Variants in RGS5 observed in about 807,000 individuals in gnomAD.
RGS5 encodes regulator of G-protein signalling 5.
A neutral mutation model predicts 18.9 loss-of-function variants in RGS5; 20 were observed. The ratio of observed to expected loss-of-function variants is 1.06; its 90% CI spans 0.74 to 1.54. RGS5 has a LOEUF of 1.54. Among genes scored for constraint, RGS5 ranks in the 40% most tolerant of loss-of-function variants. RGS5 has a pLI of 0.00. For missense variants in RGS5, 201 were observed against 211.8 expected, an observed-to-expected ratio of 0.95 and a Z score of 0.32; for synonymous variants, 57 against 76.2, an observed-to-expected ratio of 0.75 and a Z score of 1.31.
chr1:163,291,331 C>T (rs1404817908), intron 2 of RGS5, among the ~76,000 whole-genome samples: 1 of 152,072 alleles, frequency 6.6e-6, no homozygotes, highest in Admixed American at 6.6e-5. Context: ...CTTCAAGCTG[C>T]CCTTAAGTAT....
chr1:163,223,880 G>A (rs1224404858), intron 2 of RGS5, among the ~76,000 whole-genome samples: 1 of 152,072 alleles, frequency 6.6e-6, no homozygotes, highest in Non-Finnish European at 1.5e-5. Flanking sequence ...AGGTCTGGGA[G>A]CAACATAAGG....
intron 1 of RGS5, among the ~76,000 whole-genome samples, chr1:163,173,162 A>AT (rs1338038762): frequency 1.3e-5 from 2 of 152,100 alleles, no homozygotes; most frequent in African/African-American, 2.4e-5. Context: ...CACACTAGAC[A>AT]TTTTTTCCTG....
At chr1:163,287,195 T>C (rs1649166334) in intron 2 of RGS5, among the ~76,000 whole-genome samples, 1 of 152,212 alleles carries the variant, frequency 6.6e-6, no homozygotes, top group Non-Finnish European at 1.5e-5. Context: ...CAAAATTGTT[T>C]GTGTTTCCCT....
intron 1 of RGS5, among the ~76,000 whole-genome samples, chr1:163,185,586 C>T (rs1659035086): frequency 6.6e-6 from 1 of 152,194 alleles, no homozygotes; most frequent in Admixed American, 6.5e-5. Context: ...ATGTTCCTTG[C>T]AAGGGGCCCT....
chr1:163,166,741 C>T, intron 2 of RGS5, among the ~76,000 whole-genome samples: 1 of 152,194 alleles, frequency 6.6e-6, no homozygotes, highest in Non-Finnish European at 1.5e-5. Context: ...AATAAATGGT[C>T]AGCCCCAGGG....
At chr1:163,149,175 C>T (rs767682133) in intron 4 of RGS5, among the ~76,000 whole-genome samples, 11 of 152,250 alleles carry the variant, frequency 7.2e-5, no homozygotes, top group Admixed American at 2.6e-4. Flanking sequence ...TTGGGATCAG[C>T]GTCAGAGTTG....
chr1:163,290,082 T>A (rs1337711139), intron 2 of RGS5, among the ~76,000 whole-genome samples: 1 of 152,186 alleles, frequency 6.6e-6, no homozygotes, highest in African/African-American at 2.4e-5. Flanking sequence ...TAGGGTGGGA[T>A]AGCCAGCTTC....
At chr1:163,208,966 CCTG>C (rs1195168614) in intron 1 of RGS5, among the ~76,000 whole-genome samples, 6 of 151,916 alleles carry the variant, frequency 3.9e-5, no homozygotes, top group Non-Finnish European at 7.4e-5. Context: ...AACTCTACAC[CCTG>C]CTAATAGAGA....
chr1:163,298,446 A>G (rs1188908514), intron 2 of RGS5, among the ~76,000 whole-genome samples: 1 of 152,116 alleles, frequency 6.6e-6, no homozygotes, highest in East Asian at 1.9e-4. Context: ...GCCAGATGAT[A>G]GAAGTTTTTA....
At chr1:163,150,625 G>A (rs750933975) in intron 4 of RGS5, among the ~76,000 whole-genome samples, 2 of 152,024 alleles carry the variant, frequency 1.3e-5, no homozygotes, top group Non-Finnish European at 2.9e-5. Flanking sequence ...GAGAAGAAGG[G>A]GTGATCTGGA....
chr1:163,316,577 C>T lies in RGS5; in HGVS notation c.-378+5045G>A, dbSNP rs537025554. On this transcript the variant is annotated intron_variant, in intron 1 of 5. Transcript: ENST00000618415. ...CCAGCCTGGGCAACACAGTGAGACC[C>T]TATCTCAAAAAAAAAAAAAGCTAAT... is the stretch of plus-strand genomic sequence containing the variant. Among the ~76,000 whole-genome samples the T allele has an allele frequency of 5.7e-5, 6 of 106,086 alleles. No homozygotes were observed. The South Asian group carries it at 1.9e-3, about 33-fold the overall frequency. The allele number at this position is 106,086 out of a possible 152,430, so 69.6% of individuals were successfully genotyped here.
intron 1 of RGS5, among the ~76,000 whole-genome samples, chr1:163,214,683 T>A (rs929243346): frequency 3.9e-5 from 6 of 152,260 alleles, no homozygotes; most frequent in African/African-American, 1.4e-4. Flanking sequence ...TTTTTCCATA[T>A]CTAATCTCCA....
At chr1:163,180,252 A>G (rs1571249588) in intron 1 of RGS5, among the ~76,000 whole-genome samples, 1 of 152,214 alleles carries the variant, frequency 6.6e-6, no homozygotes, top group Admixed American at 6.5e-5. Context: ...CTGGAATTAC[A>G]GGTGTGAACC....
chr1:163,199,578 A>G (rs1659698882), intron 1 of RGS5, among the ~76,000 whole-genome samples: 1 of 152,170 alleles, frequency 6.6e-6, no homozygotes, highest in Admixed American at 6.5e-5. Flanking sequence ...TGTTGTTTAA[A>G]AAAAAGTTTA....
At chr1:163,163,925 G>T (rs1657920670) in intron 2 of RGS5, among the ~76,000 whole-genome samples, 1 of 152,186 alleles carries the variant, frequency 6.6e-6, no homozygotes, top group African/African-American at 2.4e-5. Context: ...AAGAAGAAAT[G>T]ACATGAGCAG....
intron 1 of RGS5, among the ~76,000 whole-genome samples, chr1:163,182,712 A>C (rs1470328682): frequency 2.0e-5 from 3 of 152,210 alleles, no homozygotes; most frequent in African/African-American, 7.2e-5. Flanking sequence ...CCTCAGGTCA[A>C]GGAAGACAGG....
At chr1:163,240,631 C>T (rs1474123118) in intron 2 of RGS5, among the ~76,000 whole-genome samples, 1 of 152,112 alleles carries the variant, frequency 6.6e-6, no homozygotes, top group Non-Finnish European at 1.5e-5. Context: ...ATCCTCCCAC[C>T]TTAGTCTCTC....
intron 2 of RGS5, among the ~76,000 whole-genome samples, chr1:163,248,903 G>A (rs969620871): frequency 4.6e-5 from 7 of 152,100 alleles, no homozygotes; most frequent in Admixed American, 1.3e-4. Context: ...CCCAAATGTC[G>A]AGGAGGAAGC....
At chr1:163,193,203 G>A (rs896192116) in intron 1 of RGS5, among the ~76,000 whole-genome samples, 1 of 152,150 alleles carries the variant, frequency 6.6e-6, no homozygotes, top group African/African-American at 2.4e-5. Context: ...GATCTGTCCA[G>A]ATGGGCTAGG....
Sources: gnomAD v4.1 joint callset for allele counts (sites outside exome capture counted in the v4.1 genomes callset) on GRCh38, gnomAD v4.1.1 for gene constraint, MANE v1.5 for transcripts, NCBI Gene and HGNC (gene_info 2026-07-23, HGNC 2026-07-21) for gene names.